SSBP2: variants seen among roughly 807,000 people sequenced by gnomAD.
SSBP2 encodes single-stranded DNA-binding protein 2.
In SSBP2, 17 loss-of-function variants were observed where a neutral mutation model predicts 61.8. The ratio of observed to expected loss-of-function variants is 0.28; its 90% CI spans 0.19 to 0.41. The LOEUF (loss-of-function observed/expected upper bound fraction) is 0.41, where lower values mean the gene tolerates loss of function less well. Among genes scored for constraint, SSBP2 ranks in the 10% least tolerant of loss-of-function variants. The pLI is 1.00. For missense variants in SSBP2, 310 were observed against 458.7 expected, an observed-to-expected ratio of 0.68 and a Z score of 2.96; for synonymous variants, 139 against 141.3, an observed-to-expected ratio of 0.98 and a Z score of 0.12.
intron 1 of SSBP2, among the ~76,000 whole-genome samples, chr5:81,669,254 C>T (rs1367456182): frequency 1.3e-5 from 2 of 152,156 alleles, no homozygotes; most frequent in Non-Finnish European, 2.9e-5. Flanking sequence ...ATGGTCCAGC[C>T]ACTTTGGAAG....
chr5:81,485,524 T>C (rs1369863691), intron 6 of SSBP2, among the ~76,000 whole-genome samples: 1 of 152,228 alleles, frequency 6.6e-6, no homozygotes, highest in African/African-American at 2.4e-5. Context: ...GTCTTTTACA[T>C]ATTCAAAATG....
At chr5:81,737,325 T>G (rs557907553) in intron 1 of SSBP2, among the ~76,000 whole-genome samples, 5 of 149,866 alleles carry the variant, frequency 3.3e-5, no homozygotes, top group Non-Finnish European at 7.4e-5. Flanking sequence ...GTATGTCCCC[T>G]TCCAGTTAAG....
chr5:81,684,256 T>C (rs1293724649), intron 1 of SSBP2, among the ~76,000 whole-genome samples: 1 of 152,180 alleles, frequency 6.6e-6, no homozygotes, highest in Non-Finnish European at 1.5e-5. Context: ...CAATGAAATA[T>C]TATTCAACAC....
At chr5:81,582,413 A>C (rs976186230) in intron 4 of SSBP2, among the ~76,000 whole-genome samples, 7 of 152,196 alleles carry the variant, frequency 4.6e-5, no homozygotes, top group Non-Finnish European at 1.0e-4. Flanking sequence ...AAAACAGTTC[A>C]TATTGAACCT....
In SSBP2 at chr5:81,474,853, T is replaced by G. The variant is rs1222892243; in HGVS notation, c.433-291A>C. 2.0e-5 allele frequency among the ~76,000 whole-genome samples: 3 copies of G among 152,160 alleles called. No homozygotes were observed. In the East Asian group the frequency reaches 5.8e-4, roughly 29 times the overall value. On this transcript the variant is annotated intron_variant, in intron 6 of 16. Coordinates refer to ENST00000320672, the MANE Select transcript of SSBP2 (RefSeq NM_012446.5). ...TGTCCTATTTCTTCCTGAGAAGTATTATGCCTTTTCCAAAAATTAATTTAC... is the reference window on the plus strand; with the variant it reads ...TGTCCTATTTCTTCCTGAGAAGTATGATGCCTTTTCCAAAAATTAATTTAC...
intron 1 of SSBP2, among the ~76,000 whole-genome samples, chr5:81,693,725 T>C (rs1753388919): frequency 6.6e-6 from 1 of 152,220 alleles, no homozygotes; most frequent in Non-Finnish European, 1.5e-5. Context: ...CGTACATTGT[T>C]GGTGGGAATA....
intron 5 of SSBP2, among the ~76,000 whole-genome samples, chr5:81,493,744 A>G (rs1767073362): frequency 6.6e-6 from 1 of 150,878 alleles, no homozygotes; most frequent in Non-Finnish European, 1.5e-5. Context: ...TGGCAGGGTG[A>G]GACTCCATCT....
intron 1 of SSBP2, among the ~76,000 whole-genome samples, chr5:81,750,383 G>T (rs1280465013): frequency 2.1e-5 from 3 of 145,398 alleles, no homozygotes; most frequent in African/African-American, 7.4e-5. Flanking sequence ...CGCCCCGCGG[G>T]GCCCCGCTCG....
At chr5:81,646,614 T>TC (rs1349146721) in intron 2 of SSBP2, among the ~76,000 whole-genome samples, 1 of 146,406 alleles carries the variant, frequency 6.8e-6, no homozygotes, top group East Asian at 1.9e-4. Context: ...CATTCTCCTT[T>TC]TTTTTTTTTT....
At chr5:81,638,576 G>C (rs1748477160) in intron 2 of SSBP2, among the ~76,000 whole-genome samples, 1 of 151,140 alleles carries the variant, frequency 6.6e-6, no homozygotes, top group Admixed American at 6.6e-5. Context: ...TAACTGTTAG[G>C]TGCTATTATT....
intron 10 of SSBP2, among the ~76,000 whole-genome samples, chr5:81,456,623 G>C (rs1330852832): frequency 1.3e-5 from 2 of 151,778 alleles, no homozygotes; most frequent in Non-Finnish European, 2.9e-5. Context: ...ATTACAATTA[G>C]GGAGTTTGTA....
At chr5:81,497,526 G>A (rs939088524) in intron 5 of SSBP2, among the ~76,000 whole-genome samples, 1 of 152,166 alleles carries the variant, frequency 6.6e-6, no homozygotes, top group Non-Finnish European at 1.5e-5. Context: ...AGTATCCGTT[G>A]ATGTGGTAAA....
chr5:81,658,785 C>T lies in SSBP2; in HGVS notation c.63-8446G>A, dbSNP rs150577179. Among the ~76,000 whole-genome samples, 128 of 152,216 alleles carry T rather than the reference C, an allele frequency of 8.4e-4. 2 individuals carry two copies. The East Asian group carries it at 0.024, about 28-fold the overall frequency. On this transcript the variant is annotated intron_variant, in intron 1 of 16. Transcript: ENST00000320672. ...AAATCCTCAATAAAACACTGGCAAA[C>T]CGAATCCAGCAGCACATCAAAAAGC... is the stretch of plus-strand genomic sequence containing the variant.
chr5:81,612,114 C>A (rs1420358976), intron 4 of SSBP2, among the ~76,000 whole-genome samples: 2 of 152,092 alleles, frequency 1.3e-5, no homozygotes, highest in South Asian at 4.1e-4. Context: ...AATTTCCAAA[C>A]ACATCAAGTT....
At chr5:81,715,382 A>G (rs1301060029) in intron 1 of SSBP2, among the ~76,000 whole-genome samples, 1 of 152,228 alleles carries the variant, frequency 6.6e-6, no homozygotes, top group African/African-American at 2.4e-5. Context: ...GAAAATAAAG[A>G]GTCCAAGATA....
chr5:81,649,212 C>A (rs1247157144), intron 2 of SSBP2, among the ~76,000 whole-genome samples: 1 of 152,050 alleles, frequency 6.6e-6, no homozygotes, highest in East Asian at 1.9e-4. Context: ...AAGAATATAA[C>A]CTGCTATGCA....
At chr5:81,622,519 A>G (rs1406377020) in intron 3 of SSBP2, among the ~76,000 whole-genome samples, 2 of 152,200 alleles carry the variant, frequency 1.3e-5, no homozygotes, top group Non-Finnish European at 2.9e-5. Flanking sequence ...GATCAGAAAC[A>G]CAATTTCCTC....
chr5:81,474,530 T>C lies in SSBP2; in HGVS notation c.465A>G (p.Leu155=). 1 of 1,612,088 alleles carries C rather than the reference T, an allele frequency of 6.2e-7. No homozygotes were observed. Among genetic ancestry groups the C allele is most frequent in the African/African-American group, 1.3e-5 (1 of 74,924 alleles). ...GAGTTGGATCCATTCCACTGGGGAG[T>C]AATGGCTGACTTCCTGGGACACCTC... Residue 155 remains leucine (L), a synonymous_variant, in exon 7 of 17, where the codon TTA becomes TTG. Coordinates refer to ENST00000320672, the MANE Select transcript of SSBP2 (RefSeq NM_012446.5).
intron 1 of SSBP2, among the ~76,000 whole-genome samples, chr5:81,722,275 A>T (rs1376329258): frequency 6.6e-6 from 1 of 152,070 alleles, no homozygotes; most frequent in Non-Finnish European, 1.5e-5. Context: ...CTTGTCAAAA[A>T]TACTGCTAAG....
Sources: gnomAD v4.1 joint callset for allele counts (sites outside exome capture counted in the v4.1 genomes callset) on GRCh38, gnomAD v4.1.1 for gene constraint, MANE v1.5 for transcripts, NCBI Gene and HGNC (gene_info 2026-07-23, HGNC 2026-07-21) for gene names.